TEX101: variants seen among roughly 807,000 people sequenced by gnomAD.
The protein encoded by TEX101 is testis expressed 101.
A neutral mutation model predicts 18.1 loss-of-function variants in TEX101; 10 were observed. The observed-to-expected ratio is 0.55, with a 90% CI of 0.34 to 0.94. The LOEUF (loss-of-function observed/expected upper bound fraction) is 0.94, where lower values mean the gene tolerates loss of function less well. Among genes scored for constraint, TEX101 ranks in the 40% least tolerant of loss-of-function variants. The pLI is 0.02. For missense variants in TEX101, 259 were observed against 298.9 expected, an observed-to-expected ratio of 0.87 and a Z score of 0.98; for synonymous variants, 94 against 114.8, an observed-to-expected ratio of 0.82 and a Z score of 1.16.
chr19:43,417,772 G>C, intron 4 of TEX101, 106 bp from the exon 5 acceptor site: 1 of 1,453,210 alleles, frequency 6.9e-7, no homozygotes, highest in Non-Finnish European at 9.5e-7. Context: ...AATGGGCCTT[G>C]ATTAGAGTGG....
chr19:43,418,289 C>G lies in TEX101; in HGVS notation c.642C>G (p.Leu214=), dbSNP rs1192679906. The G allele has an allele frequency of 3.1e-6, 5 of 1,614,208 alleles. No individual in the cohort carries two copies. Among genetic ancestry groups the G allele is most frequent in the Non-Finnish European group, 4.2e-6 (5 of 1,180,034 alleles). The stretch of plus-strand genomic sequence containing the variant: ...GGGAAGCGTGCCCACATCAGCTGCT[C>G]ACTCAACCTCGAAAGACTGAAAATG... ...FVREACPHQL[L]TQPRKTENGA... Residue 214 remains leucine (L), a synonymous_variant, in exon 6 of 6, where the codon CTC becomes CTG. Coordinates refer to ENST00000598265, the MANE Select transcript of TEX101 (RefSeq NM_001130011.3).
chr19:43,409,676 G>A (rs992964936), intron 3 of TEX101, among the ~76,000 whole-genome samples: 1 of 152,012 alleles, frequency 6.6e-6, no homozygotes, highest in Non-Finnish European at 1.5e-5. Context: ...GACTGAAGCA[G>A]GAGAATTGCT....
At chr19:43,389,139 C>T in the TEX101 span, among the ~76,000 whole-genome samples, 2 of 152,310 alleles carry the variant, frequency 1.3e-5, no homozygotes, top group South Asian at 2.1e-4. Flanking sequence ...GACTTCCCGC[C>T]GGGAACTCTC....
At chr19:43,388,675 G>A in the TEX101 span, among the ~76,000 whole-genome samples, 8 of 152,210 alleles carry the variant, frequency 5.3e-5, no homozygotes, top group African/African-American at 9.7e-5. Context: ...ACGAGTCACC[G>A]TGTATCTGGA....
the TEX101 span, among the ~76,000 whole-genome samples, chr19:43,392,199 T>C: frequency 3.0e-3 from 459 of 150,616 alleles, 3 homozygotes; most frequent in African/African-American, 0.011. Flanking sequence ...GACAGAGACA[T>C]TAACACAGAG....
At chr19:43,404,028 G>A (rs1180017409) in intron 2 of TEX101, among the ~76,000 whole-genome samples, 5 of 142,298 alleles carry the variant, frequency 3.5e-5, no homozygotes, top group Admixed American at 1.4e-4. Context: ...AACAGAGTGA[G>A]ACTCTGGCTC....
At chr19:43,397,842 A>G (rs58911775), upstream of TEX101, among the ~76,000 whole-genome samples, 1,718 of 110,350 alleles carry the variant, frequency 0.016, 73 homozygotes, top group African/African-American at 0.055. Flanking sequence ...TATTTTATAT[A>G]AATATATAAT....
intron 3 of TEX101, among the ~76,000 whole-genome samples, chr19:43,407,520 A>G (rs1022059549): frequency 3.9e-5 from 6 of 151,982 alleles, no homozygotes; most frequent in African/African-American, 1.4e-4. Context: ...AAAAGGAAAG[A>G]AAAGAAAGCC....
the TEX101 span, among the ~76,000 whole-genome samples, chr19:43,393,043 G>A: frequency 2.7e-5 from 4 of 149,718 alleles, no homozygotes; most frequent in African/African-American, 9.9e-5. Flanking sequence ...GGGTGACAGA[G>A]TGAGACTCTG....
the TEX101 span, among the ~76,000 whole-genome samples, chr19:43,390,406 ATTCACCATTTTAATGACT>A: frequency 6.9e-6 from 1 of 145,370 alleles, no homozygotes. Context: ...ATAACATAGA[ATTCACCATTTTAATGACT>A]TTTTTCTTTT....
the TEX101 span, among the ~76,000 whole-genome samples, chr19:43,390,460 CTTTT>C: frequency 2.3e-3 from 116 of 49,840 alleles, no homozygotes; most frequent in African/African-American, 7.0e-3. Context: ...CTTTTTTTTT[CTTTT>C]TTTTTTTTTT....
At chr19:43,403,034 T>G (rs1970331627) in intron 2 of TEX101, among the ~76,000 whole-genome samples, 1 of 152,200 alleles carries the variant, frequency 6.6e-6, no homozygotes, top group Non-Finnish European at 1.5e-5. Context: ...TCTGGACAGA[T>G]GCAAAACAGC....
At chr19:43,391,748 G>A in the TEX101 span, among the ~76,000 whole-genome samples, 1 of 152,112 alleles carries the variant, frequency 6.6e-6, no homozygotes, top group Non-Finnish European at 1.5e-5. Flanking sequence ...TAAACATCAG[G>A]GTCGTTCCCG....
intron 2 of TEX101, among the ~76,000 whole-genome samples, chr19:43,405,680 T>C (rs945745276): frequency 2.6e-5 from 4 of 151,992 alleles, no homozygotes; most frequent in African/African-American, 9.7e-5. Flanking sequence ...ATCCCAGCAT[T>C]TTGGGAGGCC....
At position 43,416,100 on chromosome 19, in the gene TEX101, G is replaced by A. The variant is rs376732734; in HGVS notation, c.66G>A (p.Ser22=). ...LLVLGASLLT[S]GLELYCQKGL... ...ATCCTTTTCTTGTTTTCTCCTCAGC[G>A]GGCCTAGAGCTGTATTGTCAAAAGG... Residue 22 remains serine (S), a splice_region_variant and synonymous_variant, in exon 3 of 6, where the codon TCG becomes TCA. Coordinates refer to ENST00000598265, the MANE Select transcript of TEX101 (RefSeq NM_001130011.3). 85 of 1,607,522 alleles carry A rather than the reference G, an allele frequency of 5.3e-5. No individual in the cohort carries two copies. The highest frequency in any genetic ancestry group is 3.3e-4 in the East Asian group (15 of 44,810).
upstream of TEX101, among the ~76,000 whole-genome samples, chr19:43,413,144 C>T (rs1223553392): frequency 1.3e-5 from 2 of 152,288 alleles, no homozygotes; most frequent in African/African-American, 2.4e-5. Context: ...CCCCCAGTCA[C>T]GTTTCCCACG....
exon 3 of TEX101, chr19:43,406,263 A>T: frequency 2.0e-6 from 1 of 503,090 alleles, no homozygotes; most frequent in Admixed American, 3.8e-5. Context: ...TGAAGCCCGG[A>T]TCAAGGGCAG....
chr19:43,395,997 A>T, the TEX101 span, among the ~76,000 whole-genome samples: 1 of 152,188 alleles, frequency 6.6e-6, no homozygotes, highest in South Asian at 2.1e-4. Flanking sequence ...ATGAGGCAGC[A>T]AGAACAGAGG....
At chr19:43,395,296 C>T in the TEX101 span, among the ~76,000 whole-genome samples, 1 of 152,282 alleles carries the variant, frequency 6.6e-6, no homozygotes, top group East Asian at 1.9e-4. Flanking sequence ...GGAGGGCAGA[C>T]CTCTTCCCGT....
Sources: gnomAD v4.1 joint callset for allele counts (sites outside exome capture counted in the v4.1 genomes callset) on GRCh38, gnomAD v4.1.1 for gene constraint, MANE v1.5 for transcripts, NCBI Gene and HGNC (gene_info 2026-07-23, HGNC 2026-07-21) for gene names.